Variants in C8B observed in about 807,000 individuals in gnomAD.
The protein encoded by C8B is complement component C8 beta chain.
A neutral mutation model predicts 64.6 loss-of-function variants in C8B; 67 were observed. The ratio of observed to expected loss-of-function variants is 1.04; its 90% confidence interval spans 0.85 to 1.27. The LOEUF is 1.27. Ranked by LOEUF, C8B falls within the 50% of genes most tolerant of loss-of-function variation. C8B has a pLI of 0.00. For synonymous variants in C8B, 284 were observed against 257.7 expected (o/e 1.10, Z -0.98); for missense variants, 790 against 725.2 (o/e 1.09, Z -1.03).
At chr1:56,965,087 C>T (rs1201845953) in intron 1 of C8B, among the ~76,000 whole-genome samples, 2 of 152,184 alleles carry the variant, frequency 1.3e-5, no homozygotes, top group Non-Finnish European at 2.9e-5. Flanking sequence ...AAGGTTTGTT[C>T]AGATCTCATT....
At position 56,949,640 on chromosome 1, in the gene C8B, A is replaced by AT; in HGVS notation, c.778dup (p.Ile260AsnfsTer6). 1 of 1,614,116 alleles carries AT rather than the reference A, an allele frequency of 6.2e-7. No individual in the cohort carries two copies. The highest frequency in any genetic ancestry group is 8.5e-7 in the Non-Finnish European group (1 of 1,179,996). On this transcript the variant is annotated frameshift_variant, in exon 6 of 12. Transcript: ENST00000371237. LOFTEE classifies it high-confidence loss of function. Reference sequence around the variant, plus strand: ...GATGCCAAGTTCAAATATTCCAGGTATTTTAAAACCAAAACTGAAACCAGA... The same window carrying AT: ...GATGCCAAGTTCAAATATTCCAGGTATTTTTAAAACCAAAACTGAAACCAGA...
chr1:56,949,528 G>A (rs113144988), intron 6 of C8B, 27 bp downstream of exon 6: 32 of 1,584,904 alleles, frequency 2.0e-5, no homozygotes, highest in East Asian at 1.6e-4. Flanking sequence ...CAACATATAC[G>A]TTTAAAAGCA....
chr1:56,934,747 G>A (rs982912513), intron 9 of C8B, among the ~76,000 whole-genome samples: 1 of 152,174 alleles, frequency 6.6e-6, no homozygotes, highest in Non-Finnish European at 1.5e-5. Flanking sequence ...AATTGATCCA[G>A]AGGCTGTTTG....
At chr1:56,952,265 A>T (rs1570396599) in intron 4 of C8B, 85 bp from the exon 5 acceptor site, 1 of 1,582,986 alleles carries the variant, frequency 6.3e-7, no homozygotes, top group East Asian at 2.2e-5. Context: ...AACGAAAACA[A>T]AAACTCCTTG....
chr1:56,949,698 C>G lies in C8B; in HGVS notation c.721G>C (p.Glu241Gln). ...GCCATTTTCTCTGTGACATTGCGTT[C>G]AAAATCTGAGTATGATTCATACTCT... ...LKEYESYSDF[E>Q]RNVTEKMASK... is the part of the protein sequence containing the mutation. Residue 241 changes from glutamate to glutamine, a missense_variant, in exon 6 of 12, where the codon GAA becomes CAA. Glu to Gln is a conservative substitution (Grantham distance 29). Coordinates refer to ENST00000371237, the MANE Select transcript of C8B (RefSeq NM_000066.4). 1.9e-6 allele frequency: 3 copies of G among 1,613,976 alleles called. No individual in the cohort carries two copies. The highest frequency in any genetic ancestry group is 2.5e-6 in the Non-Finnish European group (3 of 1,179,944).
At chr1:56,957,036 A>G in intron 2 of C8B, 126 bp from the exon 3 acceptor site, 1 of 963,296 alleles carries the variant, frequency 1.0e-6, no homozygotes, top group South Asian at 1.3e-5. Flanking sequence ...ATGTCTGATC[A>G]TCATTCCCCC....
chr1:56,958,402 C>A (rs565683189), intron 2 of C8B, among the ~76,000 whole-genome samples: 37 of 152,114 alleles, frequency 2.4e-4, no homozygotes, highest in Non-Finnish European at 4.0e-4. Context: ...ATGTAGATAA[C>A]CATTCACCTA....
At chr1:56,962,184 C>A (rs563061929) in intron 1 of C8B, among the ~76,000 whole-genome samples, 1 of 152,148 alleles carries the variant, frequency 6.6e-6, no homozygotes, top group Non-Finnish European at 1.5e-5. Context: ...TGTTAATGGG[C>A]AAGATGATCA....
intron 8 of C8B, 102 bp downstream of exon 8, chr1:56,943,594 G>T: frequency 7.3e-7 from 1 of 1,374,434 alleles, no homozygotes; most frequent in Non-Finnish European, 1.0e-6. Context: ...CTAGAAGTTG[G>T]GATAGTATTT....
intron 11 of C8B, 111 bp from the exon 12 acceptor site, chr1:56,929,669 A>C: frequency 1.0e-6 from 1 of 994,316 alleles, no homozygotes; most frequent in Non-Finnish European, 1.6e-6. Flanking sequence ...TGAATCTCTG[A>C]GCTCCCTGCT....
intron 7 of C8B, among the ~76,000 whole-genome samples, chr1:56,944,752 C>T (rs903380221): frequency 6.6e-6 from 1 of 152,046 alleles, no homozygotes; most frequent in South Asian, 2.1e-4. Context: ...AGGAAGGTAC[C>T]TCTGATTTTG....
intron 8 of C8B, 25 bp from the exon 9 acceptor site, chr1:56,941,037 G>A (rs1165727565): frequency 1.9e-6 from 3 of 1,613,334 alleles, no homozygotes; most frequent in South Asian, 1.1e-5. Context: ...GAGCTAGCAG[G>A]TCACAGAAGA....
chr1:56,942,552 A>G (rs762904924), intron 8 of C8B, among the ~76,000 whole-genome samples: 2 of 151,964 alleles, frequency 1.3e-5, no homozygotes, highest in Non-Finnish European at 2.9e-5. Flanking sequence ...TAAAAATACA[A>G]ATATTAGCCA....
intron 1 of C8B, among the ~76,000 whole-genome samples, chr1:56,964,398 C>G (rs1284584807): frequency 6.6e-6 from 1 of 152,128 alleles, no homozygotes; most frequent in East Asian, 1.9e-4. Flanking sequence ...TTCACTCCTA[C>G]TCTATCTCAT....
chr1:56,959,932 G>T, intron 2 of C8B, 88 bp downstream of exon 2: 1 of 1,417,736 alleles, frequency 7.1e-7, no homozygotes, highest in Non-Finnish European at 1.0e-6. Flanking sequence ...CCAACTATGT[G>T]CCAGGCACTG....
At chr1:56,945,778 TC>T (rs1042103869) in intron 7 of C8B, 42 bp downstream of exon 7, 1 of 1,613,238 alleles carries the variant, frequency 6.2e-7, no homozygotes, top group Non-Finnish European at 8.5e-7. Flanking sequence ...TTATGACTCT[TC>T]CCCCAGCTTT....
chr1:56,955,074 C>T (rs996632021), intron 3 of C8B, among the ~76,000 whole-genome samples: 1 of 152,146 alleles, frequency 6.6e-6, no homozygotes, highest in Non-Finnish European at 1.5e-5. Flanking sequence ...GACTCTCTCT[C>T]CCTGGGGCTG....
intron 5 of C8B, 59 bp from the exon 6 acceptor site, chr1:56,949,811 A>G: frequency 8.3e-7 from 1 of 1,207,796 alleles, no homozygotes; most frequent in East Asian, 2.5e-5. Context: ...GTTCAATACC[A>G]GTGAGCAGAC....
chr1:56,947,937 A>C (rs1244819894), intron 6 of C8B, among the ~76,000 whole-genome samples: 1 of 92,562 alleles, frequency 1.1e-5, no homozygotes, highest in Non-Finnish European at 2.3e-5. Context: ...TCTCAAAAAC[A>C]AAACAAAACA....
Sources: allele counts gnomAD v4.1 joint callset (sites outside exome capture counted in the v4.1 genomes callset), GRCh38; gene constraint gnomAD v4.1.1; transcripts MANE v1.5; gene names NCBI Gene and HGNC (gene_info 2026-07-23, HGNC 2026-07-21).